The following MSRA variants were observed in gnomAD, a reference collection of about 807,000 sequenced individuals.
The protein encoded by MSRA is mitochondrial peptide methionine sulfoxide reductase.
In MSRA, 54 loss-of-function variants were observed where a neutral mutation model predicts 31.3. The ratio of observed to expected loss-of-function variants is 1.73; its 90% CI spans 1.39 to 2.17. MSRA has a LOEUF of 2.17. MSRA is among the 30% of genes most tolerant of loss of function. The pLI is 0.00. For missense variants in MSRA, 507 were observed against 300.9 expected (o/e 1.69, Z -5.07); for synonymous variants, 169 against 116.5 (o/e 1.45, Z -2.90).
rs1034535938 is a variant in MSRA at position 10,219,866 on chromosome 8, G to GT, written c.211+11974dup. ...GTCCAGTACAATGTACACCTTTTTG[G>GT]TTTTTTTTTGTTTGTTTGTTTTTTG... On this transcript the variant is annotated intron_variant, in intron 2 of 5. Transcript: ENST00000317173. Among the ~76,000 whole-genome samples the GT allele has an allele frequency of 4.8e-5, 7 of 146,504 alleles. No individual in the cohort carries two copies. In the East Asian group the frequency reaches 6.1e-4, roughly 13 times the overall value.
chr8:10,400,914 T>A (rs1237085131), intron 5 of MSRA, among the ~76,000 whole-genome samples: 4 of 152,186 alleles, frequency 2.6e-5, no homozygotes. Context: ...GCTAAAACGA[T>A]AAATCCGTCT....
chr8:10,273,015 G>C (rs975016221), intron 3 of MSRA, among the ~76,000 whole-genome samples: 1 of 152,200 alleles, frequency 6.6e-6, no homozygotes, highest in African/African-American at 2.4e-5. Context: ...ATCATGAAGA[G>C]TGATGGTTTG....
chr8:10,110,939 C>G (rs952651576), intron 1 of MSRA, among the ~76,000 whole-genome samples: 6 of 152,176 alleles, frequency 3.9e-5, no homozygotes, highest in African/African-American at 1.4e-4. Context: ...CATCTCCAGT[C>G]TAGCAATTTC....
chr8:10,270,907 C>A (rs1246699606), intron 3 of MSRA, among the ~76,000 whole-genome samples: 3 of 152,156 alleles, frequency 2.0e-5, no homozygotes, highest in Admixed American at 2.0e-4. Flanking sequence ...AGGCGCCTTC[C>A]CCACAGCTTG....
At chr8:10,313,698 A>G (rs530598478) in intron 4 of MSRA, among the ~76,000 whole-genome samples, 8 of 152,318 alleles carry the variant, frequency 5.3e-5, no homozygotes, top group Non-Finnish European at 1.0e-4. Flanking sequence ...CTCGACATTT[A>G]TAGGGAAATG....
At chr8:10,358,392 C>T (rs1020500753) in intron 5 of MSRA, among the ~76,000 whole-genome samples, 9 of 152,020 alleles carry the variant, frequency 5.9e-5, no homozygotes, top group African/African-American at 2.2e-4. Flanking sequence ...TCTCTTGTTT[C>T]CCCCCAATTT....
At chr8:10,311,236 T>C (rs1801415523) in intron 4 of MSRA, among the ~76,000 whole-genome samples, 1 of 152,220 alleles carries the variant, frequency 6.6e-6, no homozygotes, top group Admixed American at 6.5e-5. Context: ...TACAACTATA[T>C]ATATAAAGCA....
intron 1 of MSRA, among the ~76,000 whole-genome samples, chr8:10,175,914 T>G (rs1340487585): frequency 6.6e-6 from 1 of 152,248 alleles, no homozygotes; most frequent in African/African-American, 2.4e-5. Flanking sequence ...ACAATAGATG[T>G]AGCAGAATGG....
chr8:10,352,131 G>T (rs1804189137), intron 5 of MSRA, among the ~76,000 whole-genome samples: 1 of 152,218 alleles, frequency 6.6e-6, no homozygotes, highest in African/African-American at 2.4e-5. Flanking sequence ...CAGCTATTTT[G>T]TGTGCTGGTG....
chr8:10,102,557 T>G (rs1251344973), intron 1 of MSRA, among the ~76,000 whole-genome samples: 1 of 152,232 alleles, frequency 6.6e-6, no homozygotes, highest in Non-Finnish European at 1.5e-5. Context: ...TTCAAATCCT[T>G]GTCAGATAAT....
chr8:10,312,170 G>A (rs1482696879), intron 4 of MSRA, among the ~76,000 whole-genome samples: 2 of 151,980 alleles, frequency 1.3e-5, no homozygotes, highest in Non-Finnish European at 2.9e-5. Flanking sequence ...AAATAATGAA[G>A]GGCAGAAAGA....
intron 1 of MSRA, among the ~76,000 whole-genome samples, chr8:10,205,801 A>G (rs1239663792): frequency 6.6e-6 from 1 of 152,218 alleles, no homozygotes; most frequent in African/African-American, 2.4e-5. Context: ...AGTTGTCATT[A>G]TAGTCTATGT....
At chr8:10,417,541 C>T (rs1411215321) in intron 5 of MSRA, among the ~76,000 whole-genome samples, 1 of 152,080 alleles carries the variant, frequency 6.6e-6, no homozygotes, top group Non-Finnish European at 1.5e-5. Context: ...GGTGGGGGTG[C>T]ATCTGCTCTG....
At chr8:10,260,863 G>C (rs1373662402) in intron 3 of MSRA, among the ~76,000 whole-genome samples, 2 of 152,206 alleles carry the variant, frequency 1.3e-5, no homozygotes, top group African/African-American at 2.4e-5. Flanking sequence ...ATGACTTTCA[G>C]AGCAGTGGGA....
intron 3 of MSRA, among the ~76,000 whole-genome samples, chr8:10,291,389 G>A (rs1443985456): frequency 6.9e-6 from 1 of 145,086 alleles, no homozygotes; most frequent in East Asian, 2.1e-4. Context: ...GTTTCTCGTC[G>A]GACACTTTAA....
chr8:10,423,611 A>T (rs961607151), intron 5 of MSRA, among the ~76,000 whole-genome samples: 2 of 152,162 alleles, frequency 1.3e-5, no homozygotes, highest in Non-Finnish European at 2.9e-5. Context: ...CTCTCCCTGC[A>T]GAAGAGCAAA....
chr8:10,349,526 C>T (rs1398725519), intron 5 of MSRA, among the ~76,000 whole-genome samples: 1 of 152,206 alleles, frequency 6.6e-6, no homozygotes, highest in East Asian at 1.9e-4. Context: ...GCATCTTGCA[C>T]ATTTGCTAAC....
intron 2 of MSRA, among the ~76,000 whole-genome samples, chr8:10,208,637 A>G (rs1451376572): frequency 6.6e-6 from 1 of 150,944 alleles, no homozygotes; most frequent in Non-Finnish European, 1.5e-5. Context: ...CCTTCTCTCT[A>G]GCAGTGCTCT....
intron 1 of MSRA, among the ~76,000 whole-genome samples, chr8:10,184,414 A>G (rs1340907113): frequency 1.3e-5 from 2 of 151,970 alleles, no homozygotes; most frequent in African/African-American, 4.8e-5. Context: ...GTAAACCTTG[A>G]TAACTACTTT....
Sources: gnomAD v4.1 joint callset for allele counts (sites outside exome capture counted in the v4.1 genomes callset) on GRCh38, gnomAD v4.1.1 for gene constraint, MANE v1.5 for transcripts, NCBI Gene and HGNC (gene_info 2026-07-23, HGNC 2026-07-21) for gene names.